The following PCM1 variants were observed in gnomAD, a reference collection of about 807,000 sequenced individuals.
The protein encoded by PCM1 is pericentriolar material 1.
A neutral mutation model predicts 241.9 loss-of-function variants in PCM1; 157 were observed. The ratio of observed to expected loss-of-function variants is 0.65; its 90% CI spans 0.57 to 0.74. PCM1 has a LOEUF of 0.74. PCM1 is among the 30% of genes least tolerant of loss of function. The probability of loss-of-function intolerance (pLI) is 0.00; values close to 1 mark genes in which losing one functional copy is unlikely to be tolerated. For synonymous variants in PCM1, 1,085 were observed against 784.9 expected (o/e 1.38, Z -6.39); for missense variants, 3,478 against 2,360.1 (o/e 1.47, Z -9.81).
At position 17,952,999 on chromosome 8, in the gene PCM1, G is replaced by C. The variant is rs372145158; in HGVS notation, c.1101G>C (p.Gln367His). ...QPPAVPDNRR[Q>H]AESLSLTREV... is the part of the protein sequence containing the mutation. ...CAGCTGTTCCAGACAATAGAAGACA[G>C]GCAGAAAGTCTTTCATTAACTAGGG... Residue 367 changes from glutamine to histidine, a missense_variant, in exon 9 of 39, where the codon CAG (glutamine) becomes CAC (histidine). By Grantham distance (24) the Gln-to-His change is conservative. Coordinates refer to ENST00000325083, the MANE Select transcript of PCM1 (RefSeq NM_006197.4). 14 of 1,602,894 alleles carry C rather than the reference G, an allele frequency of 8.7e-6. No homozygotes were observed. Among genetic ancestry groups the C allele is most frequent in the South Asian group, 5.6e-5 (5 of 88,974 alleles).
In PCM1 at chr8:17,940,849, G is replaced by T. The variant is rs1586070174; in HGVS notation, c.783+988G>T. On this transcript the variant is annotated intron_variant, in intron 6 of 38. Coordinates refer to ENST00000325083, the MANE Select transcript of PCM1 (RefSeq NM_006197.4). Reference sequence around the variant, plus strand: ...GTGTTTTTAGGCATTTTAAACAGGCGTGCCTATAACCATGCATTATTAAGC... The same window carrying T: ...GTGTTTTTAGGCATTTTAAACAGGCTTGCCTATAACCATGCATTATTAAGC... Among the ~76,000 whole-genome samples the T allele has an allele frequency of 2.0e-5, 3 of 152,278 alleles. No individual in the cohort carries two copies. In the East Asian group the frequency reaches 5.8e-4, roughly 29 times the overall value.
At chr8:17,985,857 T>G (rs2082407311) in intron 25 of PCM1, 102 bp from the exon 26 acceptor site, 1 of 842,374 alleles carries the variant, frequency 1.2e-6, no homozygotes, top group Non-Finnish European at 1.8e-6. Context: ...GTAGAAACAG[T>G]ACATTTTTCC....
chr8:17,964,339 G>T (rs1015797080), intron 17 of PCM1, among the ~76,000 whole-genome samples: 1 of 152,102 alleles, frequency 6.6e-6, no homozygotes, highest in Non-Finnish European at 1.5e-5. Flanking sequence ...GGGATATGAT[G>T]ATTATTTAAA....
chr8:17,989,209 C>T (rs574024347), intron 26 of PCM1, among the ~76,000 whole-genome samples: 10 of 151,962 alleles, frequency 6.6e-5, no homozygotes, highest in African/African-American at 1.9e-4. Flanking sequence ...TTGGCTGGTT[C>T]CATTTGTATG....
chr8:17,931,016 C>A (rs1187239915), intron 2 of PCM1, among the ~76,000 whole-genome samples: 2 of 152,134 alleles, frequency 1.3e-5, no homozygotes, highest in Non-Finnish European at 2.9e-5. Flanking sequence ...GTATTCTACC[C>A]CCTATGGCAA....
chr8:17,951,429 A>T (rs2065968602), intron 8 of PCM1, among the ~76,000 whole-genome samples: 1 of 152,184 alleles, frequency 6.6e-6, no homozygotes, highest in Non-Finnish European at 1.5e-5. Flanking sequence ...ACTTTAGAGA[A>T]ACTCTCACAT....
chr8:18,026,925 C>T (rs972581192), intron 38 of PCM1, among the ~76,000 whole-genome samples: 1 of 152,048 alleles, frequency 6.6e-6, no homozygotes, highest in Non-Finnish European at 1.5e-5. Flanking sequence ...GGTTCTATAC[C>T]TTCTCTGAGG....
At chr8:17,931,901 G>A (rs1047885254) in intron 2 of PCM1, among the ~76,000 whole-genome samples, 6 of 151,892 alleles carry the variant, frequency 4.0e-5, no homozygotes, top group East Asian at 1.9e-4. Flanking sequence ...AAATAATTAC[G>A]TAAACTGTTC....
rs756879588 is a variant in PCM1, at chr8:17,991,619, A to G, written c.4609A>G (p.Asn1537Asp). Reference protein sequence around the residue: ...YERMKTEAESNSNMRCTCRII... With the variant: ...YERMKTEAESDSNMRCTCRII... ...GCGTATGAAGACTGAGGCTGAAAGT[A>G]ACTCAAATATGAGATGCACCTGCAG... Residue 1537 changes from asparagine (N) to aspartate (D), a missense_variant, in exon 28 of 39, where the codon AAC (asparagine) becomes GAC (aspartate). Coordinates refer to ENST00000325083, the MANE Select transcript of PCM1 (RefSeq NM_006197.4). 1.1e-5 allele frequency: 17 copies of G among 1,584,792 alleles called. No individual in the cohort carries two copies. The Admixed American group carries it at 2.2e-4, about 20-fold the overall frequency.
chr8:17,972,812 A>C (rs2077294544), intron 23 of PCM1, 125 bp downstream of exon 23: 2 of 425,614 alleles, frequency 4.7e-6, no homozygotes, highest in African/African-American at 4.1e-5. Context: ...TTAGTTGAAC[A>C]GTCATTTTTA....
At chr8:17,972,761 A>T in intron 23 of PCM1, 74 bp downstream of exon 23, 4 of 878,420 alleles carry the variant, frequency 4.6e-6, no homozygotes, top group Non-Finnish European at 6.7e-6. Context: ...TGACATAGAT[A>T]TAGTTTCAGT....
In PCM1 at chr8:17,974,709, T is replaced by G. The variant is rs147987151; in HGVS notation, c.3943+2022T>G. On this transcript the variant is annotated intron_variant, in intron 23 of 38. Transcript: ENST00000325083. Reference sequence around the variant, plus strand: ...ACTTTTCCAAATATATAATTCAGCCTTTTAACTTCAAGACAAAGATTGACA... The same window carrying G: ...ACTTTTCCAAATATATAATTCAGCCGTTTAACTTCAAGACAAAGATTGACA... Among the ~76,000 whole-genome samples, 1,364 of 152,378 alleles carry G rather than the reference T, an allele frequency of 9.0e-3. 23 individuals carry two copies. Among genetic ancestry groups the G allele is most frequent in the African/African-American group, 0.031 (1,283 of 41,584 alleles).
At chr8:17,984,340 T>C (rs1035886175) in intron 24 of PCM1, among the ~76,000 whole-genome samples, 1 of 151,998 alleles carries the variant, frequency 6.6e-6, no homozygotes, top group Admixed American at 6.5e-5. Flanking sequence ...AAGAGATTGC[T>C]TACAGAGATA....
intron 34 of PCM1, among the ~76,000 whole-genome samples, chr8:18,012,547 C>CT (rs2092662069): frequency 6.6e-6 from 1 of 152,018 alleles, no homozygotes; most frequent in Non-Finnish European, 1.5e-5. Context: ...TGAGGCGGTG[C>CT]TTTTTTATAT....
At chr8:18,000,073 G>C (rs907240754) in intron 29 of PCM1, among the ~76,000 whole-genome samples, 1 of 152,188 alleles carries the variant, frequency 6.6e-6, no homozygotes, top group African/African-American at 2.4e-5. Context: ...GATGGTGTCT[G>C]TTTTATATTG....
chr8:18,000,623 G>T (rs1363264929), intron 29 of PCM1, among the ~76,000 whole-genome samples: 1 of 148,300 alleles, frequency 6.7e-6, no homozygotes, highest in Non-Finnish European at 1.5e-5. Flanking sequence ...TGTTTTTTTT[G>T]AGGGGGGTGG....
Position 17,953,018 on chromosome 8 carries a change from A to C in PCM1, c.1120A>C (p.Thr374Pro). Residue 374 changes from threonine to proline, a missense_variant, in exon 9 of 39, where the codon ACT becomes CCT. Transcript: ENST00000325083. ...AAGACAGGCAGAAAGTCTTTCATTA[A>C]CTAGGGAGGTTTCCCAGAGCAGGAA... ...NRRQAESLSL[T>P]REVSQSRKPS... The C allele has an allele frequency of 6.2e-7, 1 of 1,608,814 alleles. No individual in the cohort carries two copies. Among genetic ancestry groups the C allele is most frequent in the Non-Finnish European group, 8.5e-7 (1 of 1,177,386 alleles).
intron 23 of PCM1, among the ~76,000 whole-genome samples, chr8:17,979,941 G>A (rs2080120048): frequency 6.6e-6 from 1 of 151,860 alleles, no homozygotes. Context: ...GAATAGCTAA[G>A]TTGAACACAT....
chr8:17,940,297 A>G (rs1042400443), intron 6 of PCM1: 17 of 536,188 alleles, frequency 3.2e-5, no homozygotes, highest in East Asian at 1.1e-4. Context: ...TTAATGCTGT[A>G]TGTGTTCTTC....
Sources: gnomAD v4.1 joint callset for allele counts (sites outside exome capture counted in the v4.1 genomes callset) on GRCh38, gnomAD v4.1.1 for gene constraint, MANE v1.5 for transcripts, NCBI Gene and HGNC (gene_info 2026-07-23, HGNC 2026-07-21) for gene names.